The following FBXO22 variants were observed in gnomAD, a reference collection of about 807,000 sequenced individuals.
FBXO22 encodes the protein F-box only protein 22.
FBXO22 carries 13 observed loss-of-function variants against 37.2 expected under a neutral mutation model. The ratio of observed to expected loss-of-function variants is 0.35; its 90% confidence interval spans 0.23 to 0.56. The LOEUF (loss-of-function observed/expected upper bound fraction) is 0.56, where lower values mean the gene tolerates loss of function less well. Among genes scored for constraint, FBXO22 ranks in the 20% least tolerant of loss-of-function variants. FBXO22 has a pLI of 0.87. For synonymous variants in FBXO22, 189 were observed against 189.1 expected (o/e 1.00, Z 0.00); for missense variants, 446 against 509.9 (o/e 0.87, Z 1.21).
intron 5 of FBXO22, among the ~76,000 whole-genome samples, chr15:75,919,235 GT>G (rs1900264004): frequency 6.6e-6 from 1 of 152,140 alleles, no homozygotes; most frequent in South Asian, 2.1e-4. Context: ...GCCTCCCAAA[GT>G]GCTGGGATTA....
At chr15:75,913,499 A>G (rs1268631730) in intron 3 of FBXO22, among the ~76,000 whole-genome samples, 1 of 152,194 alleles carries the variant, frequency 6.6e-6, no homozygotes, top group Non-Finnish European at 1.5e-5. Context: ...CAATTGAAAC[A>G]AATTCGTTAG....
In FBXO22 at chr15:75,933,346, T is replaced by C. The variant is rs2030134624; in HGVS notation, c.*244T>C. 4.6e-6 allele frequency: 2 copies of C among 439,240 alleles called. No homozygotes were observed. The highest frequency in any genetic ancestry group is 8.9e-5 in the East Asian group (2 of 22,500). 27.2% of individuals were successfully genotyped at this position (439,240 alleles called of 1,614,324 possible). A position where few individuals can be genotyped will look rare whatever the true frequency, so the allele number is the denominator to read the frequency against. On this transcript the variant is annotated 3_prime_UTR_variant, in exon 7 of 7. Transcript: ENST00000308275. ...GGCAGAAGCAAACTGATTATAGTTG[T>C]GTTGCACCAGATCATGTAGCTGCTG... is the stretch of plus-strand genomic sequence containing the variant.
chr15:75,908,563 C>T (rs1899979439), intron 2 of FBXO22, among the ~76,000 whole-genome samples: 1 of 152,190 alleles, frequency 6.6e-6, no homozygotes, highest in Non-Finnish European at 1.5e-5. Context: ...AGCCACTGTG[C>T]CTTGCCCGTA....
intron 2 of FBXO22, among the ~76,000 whole-genome samples, chr15:75,906,496 C>T (rs939236005): frequency 2.6e-5 from 4 of 152,088 alleles, no homozygotes; most frequent in East Asian, 3.8e-4. Context: ...TCGAATCAAA[C>T]GCAGGATGCT....
intron 5 of FBXO22, among the ~76,000 whole-genome samples, chr15:75,925,761 A>C (rs899437057): frequency 1.3e-5 from 2 of 151,826 alleles, no homozygotes; most frequent in African/African-American, 4.8e-5. Flanking sequence ...GGGGTTTTGC[A>C]CTAGGGGAGA....
chr15:75,906,302 C>G (rs1899928357), intron 2 of FBXO22, among the ~76,000 whole-genome samples: 1 of 152,100 alleles, frequency 6.6e-6, no homozygotes, highest in Non-Finnish European at 1.5e-5. Context: ...TCTAGACTCT[C>G]TAAGTGTACT....
rs2030831869 is a variant in FBXO22, at chr15:75,940,456, T to G, written c.*7354T>G. On this transcript the variant is annotated 3_prime_UTR_variant, in exon 7 of 7. Transcript: ENST00000308275. ...CAGTCTCTATCAGAATCCTAGGATT[T>G]TTTTTTTTTTTTTTGCAGAAATAGA... is the stretch of plus-strand genomic sequence containing the variant. 6.7e-6 allele frequency: 1 copy of G among 149,730 alleles called. No individual in the cohort carries two copies. Among genetic ancestry groups the G allele is most frequent in the Admixed American group, 6.6e-5 (1 of 15,100 alleles). The allele number at this position is 149,730 out of a possible 1,614,324, so 9.3% of individuals were successfully genotyped here. A position where few individuals can be genotyped will look rare whatever the true frequency, so the allele number is the denominator to read the frequency against.
chr15:75,918,967 T>C (rs1900254551), intron 5 of FBXO22, among the ~76,000 whole-genome samples: 2 of 152,100 alleles, frequency 1.3e-5, no homozygotes, highest in Admixed American at 1.3e-4. Context: ...CTTTTTTTTG[T>C]TTGTTTTGGA....
chr15:75,913,061 G>T (rs939094275), intron 2 of FBXO22, 142 bp from the exon 3 acceptor site: 18 of 518,714 alleles, frequency 3.5e-5, no homozygotes, highest in Non-Finnish European at 5.9e-5. Flanking sequence ...CAGTTTCCAT[G>T]TAGTTGTGTG....
intron 5 of FBXO22, among the ~76,000 whole-genome samples, chr15:75,922,966 A>AC (rs1900359710): frequency 6.6e-6 from 1 of 151,996 alleles, no homozygotes; most frequent in African/African-American, 2.4e-5. Flanking sequence ...GAAAAATCAA[A>AC]CCCCATTAGA....
intron 5 of FBXO22, among the ~76,000 whole-genome samples, chr15:75,927,262 C>T (rs1195994394): frequency 6.6e-6 from 1 of 152,118 alleles, no homozygotes; most frequent in Non-Finnish European, 1.5e-5. Flanking sequence ...TTTGGAGGTC[C>T]TGAGATTTTT....
At chr15:75,927,918 T>C (rs900387623) in intron 5 of FBXO22, among the ~76,000 whole-genome samples, 1 of 152,166 alleles carries the variant, frequency 6.6e-6, no homozygotes, top group Non-Finnish European at 1.5e-5. Flanking sequence ...GTGTTAGGTA[T>C]TAGATTCATT....
chr15:75,904,207 G>A, intron 1 of FBXO22, 104 bp downstream of exon 1: 4 of 1,393,050 alleles, frequency 2.9e-6, no homozygotes, highest in South Asian at 3.0e-5. Context: ...CACCAGGGCC[G>A]TCCCCGGCTC....
At position 75,904,005 on chromosome 15, in the gene FBXO22, C is replaced by G; in HGVS notation, c.42C>G (p.Ser14=). 6.3e-7 allele frequency: 1 copy of G among 1,580,896 alleles called. No individual in the cohort carries two copies. The highest frequency in any genetic ancestry group is 8.6e-7 in the Non-Finnish European group (1 of 1,163,250). The change falls in exon 1 of 7, where the codon TCC becomes TCG. Residue 14 remains serine, a synonymous_variant. Transcript: ENST00000308275. Reference sequence around the variant, plus strand: ...GCTGCGGCGAGTGCCGCGGCTCCTCCGTAGACCCGCGGAGCACCTTCGTGT... The same window carrying G: ...GCTGCGGCGAGTGCCGCGGCTCCTCGGTAGACCCGCGGAGCACCTTCGTGT... ...VGCCGECRGS[S]VDPRSTFVLS... is the part of the protein sequence containing the mutation.
intron 4 of FBXO22, 114 bp from the exon 5 acceptor site, chr15:75,917,116 A>G (rs1054738602): frequency 1.2e-5 from 9 of 762,548 alleles, no homozygotes; most frequent in Non-Finnish European, 1.7e-5. Flanking sequence ...TCAAAGCTGA[A>G]AAACTTTTAC....
chr15:75,929,817 T>A, intron 5 of FBXO22, 67 bp from the exon 6 acceptor site: 1 of 1,589,334 alleles, frequency 6.3e-7, no homozygotes, highest in Non-Finnish European at 8.6e-7. Context: ...CATTTCATTT[T>A]GCAGCATGTA....
At chr15:75,909,159 G>C (rs1899992975) in intron 2 of FBXO22, among the ~76,000 whole-genome samples, 1 of 152,136 alleles carries the variant, frequency 6.6e-6, no homozygotes, top group South Asian at 2.1e-4. Flanking sequence ...GGAAAGTTTA[G>C]TTGAAAACAG....
chr15:75,936,434 A>G lies in FBXO22; in HGVS notation c.*3332A>G, dbSNP rs901551800. Reference sequence around the variant, plus strand: ...GACCCTATATAGGGAAGAATAATCAAATATTTGCAAAATATGTTATTTTTG... The same window carrying G: ...GACCCTATATAGGGAAGAATAATCAGATATTTGCAAAATATGTTATTTTTG... On this transcript the variant is annotated 3_prime_UTR_variant, in exon 7 of 7. Transcript: ENST00000308275. The G allele has an allele frequency of 6.6e-6, 1 of 152,240 alleles. No homozygotes were observed. Among genetic ancestry groups the G allele is most frequent in the African/African-American group, 2.4e-5 (1 of 41,456 alleles). 9.4% of individuals were successfully genotyped at this position (152,240 alleles called of 1,614,324 possible).
intron 2 of FBXO22, among the ~76,000 whole-genome samples, chr15:75,908,010 TTGAAC>T (rs1216496316): frequency 6.6e-6 from 1 of 152,168 alleles, no homozygotes; most frequent in Non-Finnish European, 1.5e-5. Flanking sequence ...TGTAACTTCT[TTGAAC>T]AGTGGAATGT....
Sources: gnomAD v4.1 joint callset for allele counts (sites outside exome capture counted in the v4.1 genomes callset) on GRCh38, gnomAD v4.1.1 for gene constraint, MANE v1.5 for transcripts, NCBI Gene and HGNC (gene_info 2026-07-23, HGNC 2026-07-21) for gene names.